LCP2: variants seen among roughly 807,000 people sequenced by gnomAD.
LCP2 encodes the protein 76 kDa tyrosine phosphoprotein.
A neutral mutation model predicts 74.5 loss-of-function variants in LCP2; 29 were observed. The ratio of observed to expected loss-of-function variants is 0.39; its 90% CI spans 0.29 to 0.53. The LOEUF (loss-of-function observed/expected upper bound fraction) is 0.53, where lower values mean the gene tolerates loss of function less well. Ranked by LOEUF, LCP2 falls within the 20% of genes least tolerant of loss-of-function variation. LCP2 has a pLI of 0.72. For missense variants in LCP2, 604 were observed against 634.6 expected, an observed-to-expected ratio of 0.95 and a Z score of 0.52; for synonymous variants, 228 against 229.5, an observed-to-expected ratio of 0.99 and a Z score of 0.06.
At position 170,270,722 on chromosome 5, in the gene LCP2, T is replaced by C. The variant is rs779231740; in HGVS notation, c.520A>G (p.Ile174Val). The C allele has an allele frequency of 6.3e-7, 1 of 1,575,018 alleles. No homozygotes were observed. Among genetic ancestry groups the C allele is most frequent in the Non-Finnish European group, 8.6e-7 (1 of 1,163,072 alleles). ...AAATCCGGAAACGGGCCCTTACCGA[T>C]GTACATGGAGTTGGAGTTGGGGAAA... Reference protein sequence around the residue: ...KPFPNSNSMYIDRPPSGKTPQ... With the variant: ...KPFPNSNSMYVDRPPSGKTPQ... The change falls in exon 7 of 21, where the codon ATC becomes GTC. Residue 174 changes from isoleucine to valine, a missense_variant. Transcript: ENST00000046794.
intron 17 of LCP2, among the ~76,000 whole-genome samples, chr5:170,254,106 G>A (rs188135451): frequency 1.4e-4 from 21 of 152,150 alleles, no homozygotes; most frequent in African/African-American, 5.1e-4. Context: ...AAGGTATCGT[G>A]TGTACATTTT....
intron 3 of LCP2, among the ~76,000 whole-genome samples, chr5:170,282,892 C>G (rs1368538710): frequency 1.3e-5 from 2 of 152,186 alleles, no homozygotes; most frequent in East Asian, 3.9e-4. Context: ...TATTTATACC[C>G]CAAATAGTAG....
At chr5:170,261,189 A>T in intron 13 of LCP2, 52 bp from the exon 14 acceptor site, 2 of 1,363,946 alleles carry the variant, frequency 1.5e-6, no homozygotes, top group Admixed American at 3.5e-5. Flanking sequence ...AGTTTCAAAG[A>T]GCCAGCCTTA....
chr5:170,291,479 T>G (rs888116602), intron 2 of LCP2, among the ~76,000 whole-genome samples: 9 of 152,218 alleles, frequency 5.9e-5, no homozygotes, highest in African/African-American at 2.2e-4. Context: ...CACCCTACTT[T>G]GCACTTCCTC....
chr5:170,288,854 TG>T (rs1251074833), intron 2 of LCP2, among the ~76,000 whole-genome samples: 1 of 151,942 alleles, frequency 6.6e-6, no homozygotes, highest in Non-Finnish European at 1.5e-5. Flanking sequence ...GAGAGGATTA[TG>T]GGGGGAAAGG....
In LCP2 at chr5:170,274,788, G is replaced by A. The variant is rs565480847; in HGVS notation, c.287-450C>T. ...TCAGGAGATCGAGACCATCCTGGCT[G>A]ACATGGTGAAACCCCGTCTCTACTA... On this transcript the variant is annotated intron_variant, in intron 5 of 20. Coordinates refer to ENST00000046794, the MANE Select transcript of LCP2 (RefSeq NM_005565.5). 6.4e-4 allele frequency among the ~76,000 whole-genome samples: 97 copies of A among 152,098 alleles called. 1 individual carries two copies. Among genetic ancestry groups the A allele is most frequent in the Admixed American group, 9.8e-4 (15 of 15,286 alleles).
rs77231147 is a variant in LCP2 at position 170,289,966 on chromosome 5, T to C, written c.142-1950A>G. Among the ~76,000 whole-genome samples, 173 of 152,150 alleles carry C rather than the reference T, an allele frequency of 1.1e-3. 4 individuals are homozygous for C. In the East Asian group the frequency reaches 0.03, roughly 26 times the overall value. On this transcript the variant is annotated intron_variant, in intron 2 of 20. Transcript: ENST00000046794. ...GTAAGCTGAGGGAATTTCAGGAAGA[T>C]TGTGGAGGAGGAGGTGGACATGAGC...
chr5:170,293,504 G>T (rs1762323995), intron 1 of LCP2, 132 bp from the exon 2 acceptor site: 12 of 787,528 alleles, frequency 1.5e-5, no homozygotes, highest in Non-Finnish European at 2.6e-5. Context: ...GCCCTCCCTT[G>T]GCTAACAGAG....
intron 7 of LCP2, among the ~76,000 whole-genome samples, chr5:170,269,467 C>T (rs953908567): frequency 1.1e-4 from 17 of 152,388 alleles, no homozygotes; most frequent in African/African-American, 3.6e-4. Flanking sequence ...TCCACCCGCA[C>T]TGGCCATCTC....
intron 3 of LCP2, among the ~76,000 whole-genome samples, chr5:170,277,036 A>G (rs1168780616): frequency 7.0e-6 from 1 of 143,244 alleles, no homozygotes; most frequent in African/African-American, 2.6e-5. Context: ...AGATCACACC[A>G]CTGCACTCCA....
rs1761336779 is a variant in LCP2 at position 170,247,942 on chromosome 5, A to T, written c.*755T>A. 1 of 152,120 alleles carries T rather than the reference A, an allele frequency of 6.6e-6. No individual in the cohort carries two copies. The highest frequency in any genetic ancestry group is 2.1e-4 in the South Asian group (1 of 4,828). The allele number at this position is 152,120 out of a possible 1,614,324, so 9.4% of individuals were successfully genotyped here. A position where few individuals can be genotyped will look rare whatever the true frequency, so the allele number is the denominator to read the frequency against. ...ACTTAACCCCAGATGTGTTCATTAA[A>T]CCTAGACCCACGATACACCAAAGTC... On this transcript the variant is annotated 3_prime_UTR_variant, in exon 21 of 21. Transcript: ENST00000046794.
intron 15 of LCP2, 75 bp downstream of exon 15, chr5:170,258,791 C>T (rs1042715120): frequency 2.8e-6 from 3 of 1,085,548 alleles, no homozygotes; most frequent in Non-Finnish European, 4.1e-6. Context: ...CTGTACTAAA[C>T]AATTCCACTT....
chr5:170,254,883 C>T (rs1249384694), intron 17 of LCP2, among the ~76,000 whole-genome samples: 1 of 152,338 alleles, frequency 6.6e-6, no homozygotes, highest in African/African-American at 2.4e-5. Context: ...CTTTATCCTT[C>T]TGATGTTGGA....
intron 2 of LCP2, among the ~76,000 whole-genome samples, chr5:170,289,655 T>TCTCTCTCTCTC (rs1561978367): frequency 1.1e-4 from 13 of 113,892 alleles, no homozygotes; most frequent in African/African-American, 4.1e-4. Context: ...CTTTCTTTCT[T>TCTCTCTCTCTC]TCTTTCTTTC....
intron 18 of LCP2, among the ~76,000 whole-genome samples, 176 bp downstream of exon 18, chr5:170,252,943 C>T (rs6880961): frequency 0.43 from 65,393 of 151,934 alleles, 15,136 homozygotes; most frequent in South Asian, 0.53. Context: ...TCTGAAAGAA[C>T]GCCAAGGGAA....
chr5:170,289,757 TC>T (rs1485542238), intron 2 of LCP2, among the ~76,000 whole-genome samples: 3 of 66,290 alleles, frequency 4.5e-5, no homozygotes, highest in African/African-American at 2.8e-4. Flanking sequence ...CTTTTCTTTC[TC>T]TTTTTTTTTT....
chr5:170,285,394 T>G (rs928431184), intron 3 of LCP2, among the ~76,000 whole-genome samples: 3 of 152,372 alleles, frequency 2.0e-5, no homozygotes, highest in Middle Eastern at 3.4e-3. Context: ...ATTTTCCTGC[T>G]CATTTGTGTG....
chr5:170,281,282 T>C (rs1056507732), intron 3 of LCP2, among the ~76,000 whole-genome samples: 1 of 133,622 alleles, frequency 7.5e-6, no homozygotes, highest in Non-Finnish European at 1.7e-5. Flanking sequence ...GGTCTGGCCA[T>C]ATTTCTTTTT....
intron 20 of LCP2, among the ~76,000 whole-genome samples, chr5:170,249,186 G>A (rs988761754): frequency 1.6e-4 from 24 of 151,876 alleles, no homozygotes; most frequent in Admixed American, 6.6e-4. Context: ...TTAGCTGGGC[G>A]TGCTGGTGTG....
Sources: allele counts gnomAD v4.1 joint callset (sites outside exome capture counted in the v4.1 genomes callset), GRCh38; gene constraint gnomAD v4.1.1; transcripts MANE v1.5; gene names NCBI Gene and HGNC (gene_info 2026-07-23, HGNC 2026-07-21).